Variants in AQP9 observed in about 807,000 individuals in gnomAD.
AQP9 encodes aquaporin-9.
Under a neutral mutation model 23.8 loss-of-function variants are expected in AQP9, and 19 were observed. The ratio of observed to expected loss-of-function variants is 0.80; its 90% CI spans 0.56 to 1.17. The LOEUF is 1.17. Ranked by LOEUF, AQP9 falls within the 50% of genes most tolerant of loss-of-function variation. The pLI is 0.00. For missense variants in AQP9, 413 were observed against 362.0 expected (o/e 1.14, Z -1.14); for synonymous variants, 153 against 131.5 (o/e 1.16, Z -1.12).
In AQP9 at chr15:58,147,707, G is replaced by A. The variant is rs572633781; in HGVS notation, c.111+9031G>A. On this transcript the variant is annotated intron_variant, in intron 1 of 5. Coordinates refer to ENST00000219919, the MANE Select transcript of AQP9 (RefSeq NM_020980.5). ...AAGCTTTCTTATGAGAGTACCTCCC[G>A]AAAACCCTATGCTTCTATCAACAGG... is the stretch of plus-strand genomic sequence containing the variant. 2.6e-5 allele frequency among the ~76,000 whole-genome samples: 4 copies of A among 152,152 alleles called. No homozygotes were observed. In the South Asian group the frequency reaches 6.2e-4, roughly 24 times the overall value.
At chr15:58,169,396 G>C (rs886083185) in intron 2 of AQP9, among the ~76,000 whole-genome samples, 1 of 152,148 alleles carries the variant, frequency 6.6e-6, no homozygotes, top group South Asian at 2.1e-4. Flanking sequence ...TGGTGGCTTT[G>C]GGAACATTTT....
At chr15:58,180,505 A>G (rs1898862485) in intron 5 of AQP9, among the ~76,000 whole-genome samples, 1 of 152,196 alleles carries the variant, frequency 6.6e-6, no homozygotes, top group Non-Finnish European at 1.5e-5. Flanking sequence ...AACAGGGTGT[A>G]GCTCATAGAA....
Position 58,166,690 on chromosome 15 carries a change from T to C in AQP9, c.129T>C (p.Cys43=). 6.2e-7 allele frequency: 1 copy of C among 1,610,992 alleles called. No individual in the cohort carries two copies. The highest frequency in any genetic ancestry group is 1.7e-4 in the Middle Eastern group (1 of 6,048). Residue 43 remains cysteine, a synonymous_variant, in exon 2 of 6, where the codon TGT becomes TGC. Coordinates refer to ENST00000219919, the MANE Select transcript of AQP9 (RefSeq NM_020980.5). ...CATTCCAGGTCCTTGGATGTGGCTG[T>C]GTTGCCCAAGCTATTCTCAGTCGAG... The part of the protein sequence containing the change: ...TFILIVLGCG[C]VAQAILSRGR...
rs1175129773 is a variant in AQP9, at chr15:58,178,804, T to C, written c.496-324T>C. 2.0e-5 allele frequency among the ~76,000 whole-genome samples: 3 copies of C among 152,200 alleles called. No individual in the cohort carries two copies. In the East Asian group the frequency reaches 5.8e-4, roughly 29 times the overall value. ...CTTGCCGTTCTACTTAGCTGAGTAGTAGCTTAGCAGGATAGTGTGGTATTA... is the reference window on the plus strand; with the variant it reads ...CTTGCCGTTCTACTTAGCTGAGTAGCAGCTTAGCAGGATAGTGTGGTATTA... On this transcript the variant is annotated intron_variant, in intron 4 of 5. Coordinates refer to ENST00000219919, the MANE Select transcript of AQP9 (RefSeq NM_020980.5).
intron 1 of AQP9, among the ~76,000 whole-genome samples, chr15:58,158,224 C>T (rs1898303945): frequency 6.6e-6 from 1 of 152,142 alleles, no homozygotes. Flanking sequence ...TATGGAAAAC[C>T]TAGTATCCTC....
At chr15:58,183,090 C>G (rs1320873500) in intron 5 of AQP9, among the ~76,000 whole-genome samples, 2 of 152,204 alleles carry the variant, frequency 1.3e-5, no homozygotes, top group African/African-American at 2.4e-5. Context: ...AACTAGAACA[C>G]TGAAATTCTT....
intron 4 of AQP9, among the ~76,000 whole-genome samples, chr15:58,178,481 TATAA>T (rs1898805630): frequency 6.6e-6 from 1 of 152,244 alleles, no homozygotes; most frequent in Non-Finnish European, 1.5e-5. Flanking sequence ...CATCAAATTG[TATAA>T]ATAAATTTAT....
In AQP9 at chr15:58,185,815, T is replaced by G. The variant is rs1595751328; in HGVS notation, c.*1680T>G. The stretch of plus-strand genomic sequence containing the variant: ...TAAATGTGAAATGTTTCTGATGACT[T>G]ATGTTCTACAATCTATGGACATACG... On this transcript the variant is annotated 3_prime_UTR_variant, in exon 6 of 6. Coordinates refer to ENST00000219919, the MANE Select transcript of AQP9 (RefSeq NM_020980.5). The G allele has an allele frequency of 6.6e-6, 1 of 152,362 alleles. No individual in the cohort carries two copies. The highest frequency in any genetic ancestry group is 1.9e-4 in the East Asian group (1 of 5,196). The allele number at this position is 152,362 out of a possible 1,614,324, so 9.4% of individuals were successfully genotyped here.
intron 1 of AQP9, among the ~76,000 whole-genome samples, chr15:58,141,605 A>G (rs900769554): frequency 8.5e-5 from 13 of 152,150 alleles, no homozygotes; most frequent in Non-Finnish European, 1.3e-4. Context: ...AGGAAGGAGG[A>G]AGGAAGGACA....
chr15:58,156,641 T>C lies in AQP9; in HGVS notation c.112-10032T>C, dbSNP rs527934798. Among the ~76,000 whole-genome samples, 5 of 152,318 alleles carry C rather than the reference T, an allele frequency of 3.3e-5. No individual in the cohort carries two copies. In the East Asian group the frequency reaches 5.8e-4, roughly 18 times the overall value. ...CCCTGTAAATAGCATGCAGTTTATATAGCATTTTCACTTAACACCCTCCTC... is the reference window on the plus strand; with the variant it reads ...CCCTGTAAATAGCATGCAGTTTATACAGCATTTTCACTTAACACCCTCCTC... On this transcript the variant is annotated intron_variant, in intron 1 of 5. Coordinates refer to ENST00000219919, the MANE Select transcript of AQP9 (RefSeq NM_020980.5).
At chr15:58,179,375 CAG>C (rs1371497638) in intron 5 of AQP9, 30 bp downstream of exon 5, 4 of 1,578,680 alleles carry the variant, frequency 2.5e-6, no homozygotes, top group Non-Finnish European at 1.7e-6. Context: ...AAGAGAGAGA[CAG>C]AGTCATGCTG....
chr15:58,170,201 G>A (rs962205850), intron 2 of AQP9, among the ~76,000 whole-genome samples: 10 of 152,058 alleles, frequency 6.6e-5, no homozygotes, highest in African/African-American at 2.2e-4. Context: ...GAAATTTCTA[G>A]CAGCCACTTG....
Position 58,138,444 on chromosome 15 carries a change from T to TA in AQP9, c.-121dup, listed in dbSNP as rs1897894520. ...CGGCATTTGTACAGTCAGAGACTCTTACCAGACATCTCCAGGAATCTGTGA... is the reference window on the plus strand; with the variant it reads ...CGGCATTTGTACAGTCAGAGACTCTTAACCAGACATCTCCAGGAATCTGTGA... On this transcript the variant is annotated 5_prime_UTR_variant, in exon 1 of 6. Transcript: ENST00000219919. 2.8e-6 allele frequency: 2 copies of TA among 713,148 alleles called. No individual in the cohort carries two copies. The highest frequency in any genetic ancestry group is 4.7e-6 in the Non-Finnish European group (2 of 421,268). The allele number at this position is 713,148 out of a possible 1,614,324, so 44.2% of individuals were successfully genotyped here.
intron 1 of AQP9, among the ~76,000 whole-genome samples, chr15:58,157,808 G>A (rs970259637): frequency 2.6e-5 from 4 of 152,118 alleles, no homozygotes; most frequent in African/African-American, 9.7e-5. Flanking sequence ...GCAGAAAATC[G>A]ATTTTGCATA....
At chr15:58,163,390 G>T (rs1463990931) in intron 1 of AQP9, among the ~76,000 whole-genome samples, 1 of 152,090 alleles carries the variant, frequency 6.6e-6, no homozygotes, top group African/African-American at 2.4e-5. Context: ...CACCCAAGGG[G>T]ACAGAATAAA....
At chr15:58,183,817 C>A (rs1409086429) in intron 5 of AQP9, 144 bp from the exon 6 acceptor site, 2 of 816,510 alleles carry the variant, frequency 2.4e-6, no homozygotes, top group Non-Finnish European at 3.9e-6. Context: ...TGCCATGCTG[C>A]ACTGAGCCCC....
chr15:58,169,727 C>T (rs1264627381), intron 2 of AQP9, among the ~76,000 whole-genome samples: 3 of 152,158 alleles, frequency 2.0e-5, no homozygotes, highest in Non-Finnish European at 1.5e-5. Context: ...GCATCCTGCT[C>T]CCCTGGGAAT....
At chr15:58,153,178 A>T (rs1424170372) in intron 1 of AQP9, 1 of 152,126 alleles carries the variant, frequency 6.6e-6, no homozygotes, top group East Asian at 1.9e-4. Flanking sequence ...CTTATTTTCC[A>T]ACACATGAGA....
chr15:58,184,132 G>A lies in AQP9; in HGVS notation c.885G>A (p.Met295Ile), dbSNP rs766415923. The A allele has an allele frequency of 1.9e-6, 3 of 1,613,856 alleles. No homozygotes were observed. The highest frequency in any genetic ancestry group is 1.1e-5 in the South Asian group (1 of 91,054). Residue 295 changes from methionine (M) to isoleucine (I), a missense_variant, in exon 6 of 6, where the codon ATG becomes ATA. By Grantham distance (10) the Met-to-Ile change is conservative. Transcript: ENST00000219919. ...KPEKYELSVIM is the reference protein window; with the variant it reads ...KPEKYELSVII ...AGAAATATGAACTCAGTGTCATCAT[G>A]TAGTGGCATGCTCAGCTCTGGATTT...
Sources: gnomAD v4.1 joint callset for allele counts (sites outside exome capture counted in the v4.1 genomes callset) on GRCh38, gnomAD v4.1.1 for gene constraint, MANE v1.5 for transcripts, NCBI Gene and HGNC (gene_info 2026-07-23, HGNC 2026-07-21) for gene names.